The following TEX36 variants were observed in gnomAD, a reference collection of about 807,000 sequenced individuals.
The protein encoded by TEX36 is testis expressed 36.
A neutral mutation model predicts 13.6 loss-of-function variants in TEX36; 12 were observed. The ratio of observed to expected loss-of-function variants is 0.88; its 90% CI spans 0.56 to 1.43. TEX36 has a LOEUF of 1.43. Among genes scored for constraint, TEX36 ranks in the 40% most tolerant of loss-of-function variants. The pLI is 0.00. For synonymous variants in TEX36, 93 were observed against 83.0 expected (o/e 1.12, Z -0.65); for missense variants, 224 against 228.3 (o/e 0.98, Z 0.12).
At chr10:125,594,152 C>T (rs1246650533) in intron 3 of TEX36, among the ~76,000 whole-genome samples, 1 of 152,170 alleles carries the variant, frequency 6.6e-6, no homozygotes, top group Non-Finnish European at 1.5e-5. Context: ...GGGACCCCAC[C>T]TTACTTTAGC....
chr10:125,628,820 C>T (rs1395949464), intron 3 of TEX36, among the ~76,000 whole-genome samples: 1 of 152,168 alleles, frequency 6.6e-6, no homozygotes, highest in Non-Finnish European at 1.5e-5. Context: ...ACAGACATCC[C>T]AGGTGATGCA....
chr10:125,617,637 A>G (rs1343736240), downstream of TEX36, among the ~76,000 whole-genome samples: 6 of 152,196 alleles, frequency 3.9e-5, no homozygotes, highest in Non-Finnish European at 8.8e-5. Flanking sequence ...TGGCTTGTAG[A>G]GTTTCTGCCC....
At chr10:125,612,871 A>AT (rs575390455) in intron 3 of TEX36, among the ~76,000 whole-genome samples, 3 of 151,362 alleles carry the variant, frequency 2.0e-5, no homozygotes, top group Non-Finnish European at 4.4e-5. Flanking sequence ...TTGGGTTGTA[A>AT]TTTTTTTTTC....
At chr10:125,600,153 T>A (rs983809474) in intron 3 of TEX36, among the ~76,000 whole-genome samples, 3 of 152,248 alleles carry the variant, frequency 2.0e-5, no homozygotes, top group Non-Finnish European at 4.4e-5. Context: ...ACTTATGACC[T>A]GTGTCATCTT....
intron 3 of TEX36, among the ~76,000 whole-genome samples, chr10:125,606,153 A>G (rs551306497): frequency 1.3e-5 from 2 of 152,354 alleles, no homozygotes; most frequent in East Asian, 1.9e-4. Flanking sequence ...CAGCAGTCAT[A>G]TAAGTAGAAA....
intron 3 of TEX36, among the ~76,000 whole-genome samples, chr10:125,608,618 T>C (rs1846246612): frequency 6.6e-6 from 1 of 152,052 alleles, no homozygotes; most frequent in Non-Finnish European, 1.5e-5. Flanking sequence ...ACTGGAAAAC[T>C]AGACTGCCCC....
At chr10:125,619,613 C>T (rs182237638), downstream of TEX36, among the ~76,000 whole-genome samples, 1 of 152,292 alleles carries the variant, frequency 6.6e-6, no homozygotes, top group East Asian at 1.9e-4. Context: ...TGCAGTGGCG[C>T]TGTCTTGGCT....
chr10:125,661,692 G>T (rs1433882924), intron 2 of TEX36, among the ~76,000 whole-genome samples, 154 bp downstream of exon 2: 1 of 152,210 alleles, frequency 6.6e-6, no homozygotes, highest in Non-Finnish European at 1.5e-5. Context: ...GAGCACCAGG[G>T]TATGGGGTGG....
chr10:125,595,634 C>T (rs770748762), intron 3 of TEX36, among the ~76,000 whole-genome samples: 8 of 152,204 alleles, frequency 5.3e-5, no homozygotes, highest in Non-Finnish European at 8.8e-5. Context: ...TCCAGCTCCC[C>T]AAGCAGGCTG....
At chr10:125,586,966 G>A (rs1333797587) in intron 3 of TEX36, among the ~76,000 whole-genome samples, 1 of 152,052 alleles carries the variant, frequency 6.6e-6, no homozygotes. Flanking sequence ...TTTTGTGATA[G>A]AGTCCTCTTA....
At chr10:125,613,437 C>T (rs1359573159) in intron 3 of TEX36, among the ~76,000 whole-genome samples, 1 of 92,726 alleles carries the variant, frequency 1.1e-5, no homozygotes, top group Non-Finnish European at 2.0e-5. Flanking sequence ...CCCCTCCCCC[C>T]ACCCCACAAC....
intron 1 of TEX36, among the ~76,000 whole-genome samples, chr10:125,670,691 GCCTA>G (rs1033617786): frequency 1.3e-4 from 20 of 152,110 alleles, no homozygotes; most frequent in African/African-American, 4.6e-4. Flanking sequence ...GAAGGGTATT[GCCTA>G]AATTTTCTTC....
chr10:125,637,428 G>T (rs1200324354), intron 3 of TEX36, among the ~76,000 whole-genome samples: 1 of 151,974 alleles, frequency 6.6e-6, no homozygotes, highest in East Asian at 1.9e-4. Context: ...TCCTTTTTAA[G>T]ACTAGATGAG....
At chr10:125,582,171 G>T (rs971857953) in intron 3 of TEX36, among the ~76,000 whole-genome samples, 1 of 152,200 alleles carries the variant, frequency 6.6e-6, no homozygotes, top group Non-Finnish European at 1.5e-5. Context: ...CCGCAGGGGT[G>T]GGGTGGAGTG....
intron 3 of TEX36, among the ~76,000 whole-genome samples, chr10:125,643,003 G>A (rs942547880): frequency 3.3e-5 from 5 of 152,222 alleles, no homozygotes; most frequent in Admixed American, 3.3e-4. Flanking sequence ...TGTTCCAGGG[G>A]TGCTGGCATG....
rs543844289 is a variant in TEX36, at chr10:125,672,953, GT to G, written c.51+9985del. Among the ~76,000 whole-genome samples the G allele has an allele frequency of 2.8e-4, 42 of 152,146 alleles. 1 individual carries two copies. In the South Asian group the frequency reaches 8.3e-3, roughly 30 times the overall value. On this transcript the variant is annotated intron_variant, in intron 1 of 3. Transcript: ENST00000368821. ...TCCAGAAACTAGGCTCACAACCCCT[GT>G]TTTTTTCTGATTTCCATTTGTTTGG...
intron 3 of TEX36, among the ~76,000 whole-genome samples, chr10:125,601,272 G>C (rs1846141970): frequency 6.6e-6 from 1 of 152,218 alleles, no homozygotes; most frequent in Admixed American, 6.5e-5. Flanking sequence ...GACACGTATA[G>C]TATTAAAGAA....
intron 3 of TEX36, among the ~76,000 whole-genome samples, chr10:125,590,367 C>T (rs1009539956): frequency 6.6e-6 from 1 of 152,116 alleles, no homozygotes; most frequent in Non-Finnish European, 1.5e-5. Context: ...CCTCCCACCT[C>T]GGCCTCCCAA....
intron 3 of TEX36, among the ~76,000 whole-genome samples, chr10:125,587,811 C>T (rs1314962835): frequency 7.2e-6 from 1 of 139,632 alleles, no homozygotes; most frequent in Admixed American, 7.1e-5. Context: ...AAAAAAAAGA[C>T]ACTTTATACA....
Sources: allele counts gnomAD v4.1 joint callset (sites outside exome capture counted in the v4.1 genomes callset), GRCh38; gene constraint gnomAD v4.1.1; transcripts MANE v1.5; gene names NCBI Gene and HGNC (gene_info 2026-07-23, HGNC 2026-07-21).